CDH10: variants seen among roughly 807,000 people sequenced by gnomAD.
CDH10 encodes cadherin-10.
In CDH10, 30 loss-of-function variants were observed where a neutral mutation model predicts 73.1. That is an observed-to-expected ratio of 0.41 (90% CI 0.31 to 0.56). The LOEUF is 0.56. CDH10 is among the 20% of genes least tolerant of loss of function. The pLI is 0.27. For missense variants in CDH10, 815 were observed against 973.7 expected, an observed-to-expected ratio of 0.84 and a Z score of 2.17; for synonymous variants, 345 against 348.2, an observed-to-expected ratio of 0.99 and a Z score of 0.10.
chr5:24,634,745 C>T (rs918659470), intron 1 of CDH10, among the ~76,000 whole-genome samples: 5 of 151,474 alleles, frequency 3.3e-5, no homozygotes, highest in Non-Finnish European at 7.4e-5. Flanking sequence ...AGTTATTGGA[C>T]AAGATGAAGT....
chr5:24,519,577 C>T (rs1327028971), intron 5 of CDH10, among the ~76,000 whole-genome samples: 1 of 152,048 alleles, frequency 6.6e-6, no homozygotes, highest in East Asian at 1.9e-4. Context: ...GTGGAGGAAA[C>T]ATGAAAGATC....
intron 1 of CDH10, among the ~76,000 whole-genome samples, chr5:24,627,377 A>C (rs966872139): frequency 1.3e-5 from 2 of 152,130 alleles, no homozygotes; most frequent in Non-Finnish European, 2.9e-5. Context: ...ATTTTCTCTC[A>C]TTGAAAAGGA....
At chr5:24,637,668 A>G (rs1747910032) in intron 1 of CDH10, among the ~76,000 whole-genome samples, 1 of 151,910 alleles carries the variant, frequency 6.6e-6, no homozygotes, top group Non-Finnish European at 1.5e-5. Flanking sequence ...ATAACAGGAT[A>G]CCAGTTAAAT....
At chr5:24,599,962 A>G (rs1746505077) in intron 1 of CDH10, among the ~76,000 whole-genome samples, 1 of 152,122 alleles carries the variant, frequency 6.6e-6, no homozygotes. Context: ...TAAATTATGC[A>G]TGTGTAGCTG....
At chr5:24,498,961 C>A (rs116735799) in intron 8 of CDH10, among the ~76,000 whole-genome samples, 1 of 151,678 alleles carries the variant, frequency 6.6e-6, no homozygotes, top group East Asian at 1.9e-4. Context: ...AGATTTATTG[C>A]GAAGAGCAAA....
At chr5:24,502,185 G>C (rs1381875518) in intron 8 of CDH10, among the ~76,000 whole-genome samples, 1 of 152,160 alleles carries the variant, frequency 6.6e-6, no homozygotes, top group Non-Finnish European at 1.5e-5. Context: ...GCCTCCCAAA[G>C]TGCTGGGATT....
At position 24,553,727 on chromosome 5, in the gene CDH10, A is replaced by T. The variant is rs115856575; in HGVS notation, c.232-16053T>A. Among the ~76,000 whole-genome samples, 700 of 152,250 alleles carry T rather than the reference A, an allele frequency of 4.6e-3. 6 individuals are homozygous for T. The highest frequency in any genetic ancestry group is 0.016 in the African/African-American group (678 of 41,552). On this transcript the variant is annotated intron_variant, in intron 2 of 11. Transcript: ENST00000264463. ...ACTTGCCATTCCATAATCAGGAGGAAAAAGTCTATACCCCTCCTATTGAAT... is the reference window on the plus strand; with the variant it reads ...ACTTGCCATTCCATAATCAGGAGGATAAAGTCTATACCCCTCCTATTGAAT...
At chr5:24,518,382 C>A (rs1743187358) in intron 5 of CDH10, among the ~76,000 whole-genome samples, 1 of 152,034 alleles carries the variant, frequency 6.6e-6, no homozygotes, top group Non-Finnish European at 1.5e-5. Context: ...TATATATACA[C>A]ACACACATAT....
At chr5:24,596,618 C>T (rs570095495) in intron 1 of CDH10, among the ~76,000 whole-genome samples, 72 of 151,968 alleles carry the variant, frequency 4.7e-4, no homozygotes, top group African/African-American at 1.6e-3. Flanking sequence ...TTTCAATATC[C>T]GAAACCAGAT....
chr5:24,558,949 C>G (rs1258226847), intron 2 of CDH10, among the ~76,000 whole-genome samples: 2 of 151,768 alleles, frequency 1.3e-5, no homozygotes, highest in African/African-American at 4.8e-5. Context: ...CAGCATTCCC[C>G]TTTCATTTTC....
At position 24,622,666 on chromosome 5, in the gene CDH10, A is replaced by T. The variant is rs529273839; in HGVS notation, c.-124+21928T>A. Among the ~76,000 whole-genome samples, 5 of 152,258 alleles carry T rather than the reference A, an allele frequency of 3.3e-5. No individual in the cohort carries two copies. The East Asian group carries it at 9.7e-4, about 29-fold the overall frequency. On this transcript the variant is annotated intron_variant, in intron 1 of 11. Transcript: ENST00000264463. ...TCTTCAGGTCCCCAGGACTTAACAA[A>T]ATCCTAGGACAGATGCGGTATTTAT...
intron 9 of CDH10, among the ~76,000 whole-genome samples, chr5:24,494,937 T>G (rs1742214035): frequency 6.6e-6 from 1 of 152,254 alleles, no homozygotes; most frequent in Non-Finnish European, 1.5e-5. Context: ...GGCACTTACA[T>G]CCTTTACAAG....
intron 2 of CDH10, among the ~76,000 whole-genome samples, chr5:24,556,910 A>T (rs951082823): frequency 6.6e-6 from 1 of 151,820 alleles, no homozygotes; most frequent in African/African-American, 2.4e-5. Context: ...GTATTTCTAT[A>T]TATATTCCCA....
At chr5:24,617,336 G>A (rs775602155) in intron 1 of CDH10, among the ~76,000 whole-genome samples, 6 of 152,040 alleles carry the variant, frequency 3.9e-5, no homozygotes, top group South Asian at 2.1e-4. Context: ...GGAGAACCAC[G>A]AAATTGTAAT....
chr5:24,498,422 T>C lies in CDH10; in HGVS notation c.1491A>G (p.Val497=), dbSNP rs2111683292. ...CCTGCCCTGGTCTGGCATTTTCACA[T>C]ACAAAAGTGTCATAGAACACAGCAA... ...PQFAVFYDTF[V]CENARPGQLI... Residue 497 remains valine, a synonymous_variant, in exon 9 of 12, where the codon GTA becomes GTG. Coordinates refer to ENST00000264463, the MANE Select transcript of CDH10 (RefSeq NM_006727.5). 6.2e-7 allele frequency: 1 copy of C among 1,607,676 alleles called. No homozygotes were observed. The highest frequency in any genetic ancestry group is 1.1e-5 in the South Asian group (1 of 90,846).
chr5:24,532,602 G>A (rs995389267), intron 5 of CDH10, among the ~76,000 whole-genome samples: 1 of 152,070 alleles, frequency 6.6e-6, no homozygotes, highest in Admixed American at 6.6e-5. Flanking sequence ...GAGATTTGAT[G>A]TAAGTTGAAA....
At chr5:24,512,813 C>G (rs1220087505) in intron 5 of CDH10, among the ~76,000 whole-genome samples, 2 of 152,090 alleles carry the variant, frequency 1.3e-5, no homozygotes, top group Non-Finnish European at 1.5e-5. Flanking sequence ...TTAAGTAATT[C>G]TCCTTAATAT....
intron 5 of CDH10, among the ~76,000 whole-genome samples, chr5:24,513,387 C>T (rs913001320): frequency 2.0e-5 from 3 of 152,062 alleles, no homozygotes; most frequent in Admixed American, 1.3e-4. Flanking sequence ...TATCATAATG[C>T]AGTTTACCAA....
rs185248961 is a variant in CDH10 at position 24,512,087 on chromosome 5, G to A, written c.815-573C>T. 2.8e-3 allele frequency among the ~76,000 whole-genome samples: 431 copies of A among 152,150 alleles called. 8 individuals carry two copies. The highest frequency in any genetic ancestry group is 1.0e-3 in the Non-Finnish European group (70 of 68,002). On this transcript the variant is annotated intron_variant, in intron 5 of 11. Transcript: ENST00000264463. ...ATATATATCTGTACAACAAACCCCC[G>A]TGACACAAGTTTACCTAAGTAACAA... is the stretch of plus-strand genomic sequence containing the variant.
Sources: gnomAD v4.1 joint callset for allele counts (sites outside exome capture counted in the v4.1 genomes callset) on GRCh38, gnomAD v4.1.1 for gene constraint, MANE v1.5 for transcripts, NCBI Gene and HGNC (gene_info 2026-07-23, HGNC 2026-07-21) for gene names.